The following PLS1 variants were observed in gnomAD, a reference collection of about 807,000 sequenced individuals.
The protein encoded by PLS1 is plastin 1, also known as plastin-1.
PLS1 carries 32 observed loss-of-function variants against 73.7 expected under a neutral mutation model. The observed-to-expected ratio is 0.43, with a 90% confidence interval of 0.33 to 0.58. The LOEUF (loss-of-function observed/expected upper bound fraction) is 0.58. Among genes scored for constraint, PLS1 ranks in the 20% least tolerant of loss-of-function variants. PLS1 has a pLI of 0.04. For synonymous variants in PLS1, 217 were observed against 261.3 expected, an observed-to-expected ratio of 0.83 and a Z score of 1.63; for missense variants, 633 against 740.5, an observed-to-expected ratio of 0.85 and a Z score of 1.68.
chr3:142,643,785 T>C (rs2036890546), intron 1 of PLS1, among the ~76,000 whole-genome samples: 1 of 151,984 alleles, frequency 6.6e-6, no homozygotes. Flanking sequence ...ACAGCTAAGA[T>C]CTCCTACAGT....
At chr3:142,669,656 A>G (rs1403865186) in intron 3 of PLS1, 103 bp downstream of exon 3, 4 of 664,314 alleles carry the variant, frequency 6.0e-6, no homozygotes, top group Non-Finnish European at 1.0e-5. Context: ...GAGACCAGAA[A>G]AAGGACTGCT....
chr3:142,600,914 A>ATTT (rs1560024568), intron 1 of PLS1, among the ~76,000 whole-genome samples: 18 of 19,020 alleles, frequency 9.5e-4, no homozygotes, highest in Admixed American at 1.8e-3. Flanking sequence ...ATATATATAT[A>ATTT]TATTTTTTTT....
In PLS1 at chr3:142,608,623, A is replaced by G. The variant is rs536014527; in HGVS notation, c.-37+12114A>G. ...AAGCCTATACTCTGCTGCCTGCCAG[A>G]CTCCAGAGTTTCCAGTGGTTTTAAA... On this transcript the variant is annotated intron_variant, in intron 1 of 15. Coordinates refer to ENST00000457734, the MANE Select transcript of PLS1 (RefSeq NM_001145319.2). Among the ~76,000 whole-genome samples the G allele has an allele frequency of 2.6e-5, 4 of 152,254 alleles. No individual in the cohort carries two copies. In the South Asian group the frequency reaches 8.3e-4, roughly 32 times the overall value.
intron 12 of PLS1, among the ~76,000 whole-genome samples, chr3:142,701,412 C>G (rs2038329255): frequency 6.6e-6 from 1 of 152,152 alleles, no homozygotes; most frequent in South Asian, 2.1e-4. Flanking sequence ...GTTAGCTTTT[C>G]TTTTGAGTAT....
At chr3:142,711,668 T>A in intron 15 of PLS1, 43 bp downstream of exon 15, 1 of 1,522,564 alleles carries the variant, frequency 6.6e-7, no homozygotes, top group South Asian at 1.2e-5. Flanking sequence ...GCCCTTTAAT[T>A]CTCTAAAATC....
chr3:142,655,910 A>C (rs910927920), intron 1 of PLS1, among the ~76,000 whole-genome samples: 1 of 152,100 alleles, frequency 6.6e-6, no homozygotes, highest in African/African-American at 2.4e-5. Flanking sequence ...TTGTCTTTTT[A>C]AAATAGCCCA....
At chr3:142,627,424 C>G (rs1306378656) in intron 1 of PLS1, among the ~76,000 whole-genome samples, 1 of 152,104 alleles carries the variant, frequency 6.6e-6, no homozygotes, top group Non-Finnish European at 1.5e-5. Flanking sequence ...TCTGTTACAT[C>G]CAAAATGGAA....
rs1170933037 is a variant in PLS1 at position 142,600,916 on chromosome 3, A to ATTTTTTTTT, written c.-37+4424_-37+4432dup. On this transcript the variant is annotated intron_variant, in intron 1 of 15. Coordinates refer to ENST00000457734, the MANE Select transcript of PLS1 (RefSeq NM_001145319.2). Reference sequence around the variant, plus strand: ...TATATATATATATATATATATATATATTTTTTTTTTTTTTTTTTTTTTTTT... The same window carrying ATTTTTTTTT: ...TATATATATATATATATATATATATATTTTTTTTTTTTTTTTTTTTTTTTTTTTTTTTTT... Among the ~76,000 whole-genome samples the ATTTTTTTTT allele has an allele frequency of 1.3e-3, 20 of 14,844 alleles. 6 individuals carry two copies. Among genetic ancestry groups the ATTTTTTTTT allele is most frequent in the Admixed American group, 2.8e-3 (2 of 712 alleles). The allele number at this position is 14,844 out of a possible 152,430, so 9.7% of individuals were successfully genotyped here. A position where few individuals can be genotyped will look rare whatever the true frequency, so the allele number is the denominator to read the frequency against.
Position 142,683,893 on chromosome 3 carries a change from T to C in PLS1, c.580-113T>C, listed in dbSNP as rs1397834501. On this transcript the variant is annotated intron_variant, in intron 6 of 15. Transcript: ENST00000457734. The stretch of plus-strand genomic sequence containing the variant: ...AGTAGTGGTATTTTCGTTGTATAAA[T>C]ATTATGTTTATAAATCTGAAATTTG... 12 of 695,344 alleles carry C rather than the reference T, an allele frequency of 1.7e-5. No homozygotes were observed. In the East Asian group the frequency reaches 3.3e-4, roughly 19 times the overall value. 43.1% of individuals were successfully genotyped at this position (695,344 alleles called of 1,614,324 possible).
At chr3:142,671,245 A>C in intron 4 of PLS1, 123 bp downstream of exon 4, 1 of 806,092 alleles carries the variant, frequency 1.2e-6, no homozygotes, top group South Asian at 1.5e-5. Context: ...CACTGAGGAG[A>C]AAAAAATACT....
chr3:142,676,208 A>T lies in PLS1; in HGVS notation c.416A>T (p.Asp139Val). Residue 139 changes from aspartate to valine, a missense_variant, in exon 5 of 16, where the codon GAC becomes GTC. Physicochemically the swap from Asp to Val is radical, Grantham distance 152 (BLOSUM62 -3). Transcript: ENST00000457734. ...TGGATAAACAAAGCCCTGGAGAATG[A>T]CCCTGACTGTAAGCATCTTATACCC... is the stretch of plus-strand genomic sequence containing the variant. Reference protein sequence around the residue: ...VNWINKALENDPDCKHLIPMN... With the variant: ...VNWINKALENVPDCKHLIPMN... 6.2e-7 allele frequency: 1 copy of T among 1,613,206 alleles called. No individual in the cohort carries two copies. Among genetic ancestry groups the T allele is most frequent in the Non-Finnish European group, 8.5e-7 (1 of 1,179,176 alleles).
chr3:142,676,442 T>A (rs1439274405), intron 5 of PLS1, among the ~76,000 whole-genome samples, 153 bp downstream of exon 5: 1 of 152,246 alleles, frequency 6.6e-6, no homozygotes, highest in East Asian at 1.9e-4. Flanking sequence ...TGAACTACTG[T>A]ATATCTATTG....
At chr3:142,701,056 A>G (rs546493380) in intron 12 of PLS1, among the ~76,000 whole-genome samples, 2 of 152,200 alleles carry the variant, frequency 1.3e-5, no homozygotes, top group African/African-American at 4.8e-5. Context: ...AGTCTTGGAT[A>G]TGTCTTTATC....
At chr3:142,697,044 G>A (rs970392010) in intron 11 of PLS1, among the ~76,000 whole-genome samples, 3 of 152,024 alleles carry the variant, frequency 2.0e-5, no homozygotes, top group African/African-American at 7.2e-5. Flanking sequence ...TATTGGACAA[G>A]CTGTTGGAGG....
In PLS1 at chr3:142,671,134, C is replaced by G; in HGVS notation, c.364+12C>G. On this transcript the variant is annotated intron_variant, in intron 4 of 15. Coordinates refer to ENST00000457734, the MANE Select transcript of PLS1 (RefSeq NM_001145319.2). ...GCATTCTTATTCAGGTAACTGACTT[C>G]TCCAAATTTGATCTTTTAGTCACTG... The G allele has an allele frequency of 1.9e-6, 3 of 1,607,962 alleles. No individual in the cohort carries two copies. The highest frequency in any genetic ancestry group is 2.6e-6 in the Non-Finnish European group (3 of 1,175,398).
chr3:142,679,705 C>G (rs867113634), intron 6 of PLS1, among the ~76,000 whole-genome samples: 2 of 151,682 alleles, frequency 1.3e-5, no homozygotes, highest in Admixed American at 1.3e-4. Context: ...AGTCAGGTAG[C>G]GTGATGCCTC....
intron 14 of PLS1, among the ~76,000 whole-genome samples, chr3:142,708,258 T>C (rs73002089): frequency 0.07 from 10,703 of 152,160 alleles, 1,234 homozygotes; most frequent in African/African-American, 0.24. Flanking sequence ...TATTTATTTA[T>C]TTTTTTGAGA....
At chr3:142,654,225 A>G (rs1213629199) in intron 1 of PLS1, among the ~76,000 whole-genome samples, 1 of 152,152 alleles carries the variant, frequency 6.6e-6, no homozygotes, top group East Asian at 1.9e-4. Flanking sequence ...CTTTGCTAGA[A>G]GATTTCTTTG....
rs761027120 is a variant in PLS1, at chr3:142,711,922, C to T, written c.1805C>T (p.Pro602Leu). 1 of 1,613,344 alleles carries T rather than the reference C, an allele frequency of 6.2e-7. No homozygotes were observed. The highest frequency in any genetic ancestry group is 1.7e-5 in the Admixed American group (1 of 60,012). The change falls in exon 16 of 16, where the codon CCT (proline) becomes CTT (leucine). Residue 602 changes from proline (P) to leucine (L), a missense_variant. Coordinates refer to ENST00000457734, the MANE Select transcript of PLS1 (RefSeq NM_001145319.2). ...ATCGGTGCCCGGATATATGCATTAC[C>T]TGATGACCTCGTAGAAGTGAAACCA... ...RKIGARIYAL[P>L]DDLVEVKPKM... is the part of the protein sequence containing the mutation.
Sources: gnomAD v4.1 joint callset for allele counts (sites outside exome capture counted in the v4.1 genomes callset) on GRCh38, gnomAD v4.1.1 for gene constraint, MANE v1.5 for transcripts, NCBI Gene and HGNC (gene_info 2026-07-23, HGNC 2026-07-21) for gene names.